The following LRP1B variants were observed in gnomAD, a reference collection of about 807,000 sequenced individuals.
LRP1B encodes low-density lipoprotein receptor-related protein 1B.
Under a neutral mutation model 556.6 loss-of-function variants are expected in LRP1B, and 217 were observed. The observed-to-expected ratio is 0.39, with a 90% CI of 0.35 to 0.44. The LOEUF is 0.44. Ranked by LOEUF, LRP1B falls within the 20% of genes least tolerant of loss-of-function variation. The pLI is 1.00. For synonymous variants in LRP1B, 2,047 were observed against 1,865.8 expected (o/e 1.10, Z -2.50); for missense variants, 5,053 against 5,620.8 (o/e 0.90, Z 3.23).
chr2:141,692,647 A>G (rs1279469084), intron 2 of LRP1B, among the ~76,000 whole-genome samples: 2 of 151,974 alleles, frequency 1.3e-5, no homozygotes, highest in East Asian at 1.9e-4. Flanking sequence ...CAAGAAGGGT[A>G]TATGTTCTGA....
chr2:140,637,330 C>A (rs1217270249), intron 41 of LRP1B, among the ~76,000 whole-genome samples: 1 of 152,138 alleles, frequency 6.6e-6, no homozygotes, highest in Non-Finnish European at 1.5e-5. Flanking sequence ...TCTGCTCATG[C>A]CTTAGTCAAC....
intron 32 of LRP1B, among the ~76,000 whole-genome samples, chr2:140,796,359 G>A (rs1385609660): frequency 2.0e-5 from 3 of 151,998 alleles, no homozygotes; most frequent in Admixed American, 1.3e-4. Context: ...TTTATCCATT[G>A]TGCTAAGTAA....
intron 2 of LRP1B, among the ~76,000 whole-genome samples, chr2:141,621,545 C>G (rs1688504702): frequency 6.6e-6 from 1 of 152,156 alleles, no homozygotes; most frequent in African/African-American, 2.4e-5. Flanking sequence ...TAAGATTAAA[C>G]TAATCATGGA....
intron 2 of LRP1B, among the ~76,000 whole-genome samples, chr2:141,643,265 G>GCATT (rs560567861): frequency 5.5e-4 from 83 of 152,168 alleles, no homozygotes; most frequent in African/African-American, 2.0e-3. Flanking sequence ...CAATAATTAA[G>GCATT]GTAACAGAAG....
chr2:141,100,873 A>G (rs1265893229), intron 7 of LRP1B, among the ~76,000 whole-genome samples: 1 of 152,092 alleles, frequency 6.6e-6, no homozygotes, highest in Non-Finnish European at 1.5e-5. Context: ...TATGCCTGGA[A>G]AAACAACATG....
intron 3 of LRP1B, among the ~76,000 whole-genome samples, chr2:141,365,464 A>G (rs1688982838): frequency 6.9e-6 from 1 of 145,000 alleles, no homozygotes; most frequent in African/African-American, 2.6e-5. Context: ...AATATATTCT[A>G]AAGGCTAGCT....
chr2:141,818,734 C>T (rs1296168019), intron 1 of LRP1B, among the ~76,000 whole-genome samples: 21 of 150,342 alleles, frequency 1.4e-4, no homozygotes, highest in Non-Finnish European at 2.4e-4. Context: ...GACGGGGTTT[C>T]ACCGTGTTAG....
At chr2:141,783,589 T>C (rs1174990700) in intron 2 of LRP1B, among the ~76,000 whole-genome samples, 2 of 151,964 alleles carry the variant, frequency 1.3e-5, no homozygotes, top group African/African-American at 2.4e-5. Context: ...ATTTATTTAG[T>C]GTTATCTCTT....
At chr2:142,009,454 T>C (rs1702889845) in intron 1 of LRP1B, among the ~76,000 whole-genome samples, 1 of 152,190 alleles carries the variant, frequency 6.6e-6, no homozygotes, top group Non-Finnish European at 1.5e-5. Context: ...ACATGCATCC[T>C]GCCCTCCTGA....
intron 2 of LRP1B, among the ~76,000 whole-genome samples, chr2:141,537,215 A>C (rs998809159): frequency 5.3e-5 from 8 of 152,100 alleles, no homozygotes; most frequent in Non-Finnish European, 1.2e-4. Context: ...CTGGAAGTAC[A>C]TATTAGTGAA....
chr2:140,779,573 TA>T (rs1689617570), intron 32 of LRP1B, among the ~76,000 whole-genome samples: 2 of 151,288 alleles, frequency 1.3e-5, no homozygotes, highest in South Asian at 4.2e-4. Flanking sequence ...TGTGCGCCTG[TA>T]ATCCCAGCTA....
intron 35 of LRP1B, among the ~76,000 whole-genome samples, chr2:140,729,031 C>A (rs1261316691): frequency 1.3e-5 from 2 of 151,774 alleles, no homozygotes; most frequent in Non-Finnish European, 2.9e-5. Context: ...ATTTCATACA[C>A]CTTTGAAGTT....
chr2:141,950,281 A>T (rs1197314346), intron 1 of LRP1B, among the ~76,000 whole-genome samples: 2 of 152,140 alleles, frequency 1.3e-5, no homozygotes, highest in African/African-American at 4.8e-5. Flanking sequence ...AAAAAAATCC[A>T]TCTTATTTTT....
intron 7 of LRP1B, among the ~76,000 whole-genome samples, chr2:141,161,846 T>A (rs1359892280): frequency 6.6e-6 from 1 of 152,044 alleles, no homozygotes. Flanking sequence ...ACCCCTACGT[T>A]GTCCCTTGGG....
intron 2 of LRP1B, among the ~76,000 whole-genome samples, chr2:141,688,010 G>GAA (rs112502279): frequency 0.065 from 9,514 of 146,002 alleles, 425 homozygotes; most frequent in Middle Eastern, 0.12. Context: ...TATGATTTTT[G>GAA]AAAAAAAAAA....
At chr2:141,153,412 T>A (rs1367759618) in intron 7 of LRP1B, among the ~76,000 whole-genome samples, 7 of 122,816 alleles carry the variant, frequency 5.7e-5, no homozygotes, top group Admixed American at 1.0e-4. Flanking sequence ...TATTATATAT[T>A]AGCTATATAT....
At chr2:140,490,235 C>T (rs939933737) in intron 57 of LRP1B, among the ~76,000 whole-genome samples, 1 of 152,058 alleles carries the variant, frequency 6.6e-6, no homozygotes, top group Non-Finnish European at 1.5e-5. Context: ...AATAAAGACA[C>T]TGTTCAAATT....
chr2:141,722,739 T>TAGAC (rs1378911605), intron 2 of LRP1B, among the ~76,000 whole-genome samples: 1 of 147,772 alleles, frequency 6.8e-6, no homozygotes, highest in East Asian at 2.0e-4. Context: ...CATAGATAGA[T>TAGAC]AGATAGATAG....
At chr2:140,319,527 A>G (rs1322067615) in intron 82 of LRP1B, among the ~76,000 whole-genome samples, 2 of 152,148 alleles carry the variant, frequency 1.3e-5, no homozygotes, top group African/African-American at 2.4e-5. Context: ...CAGGAACAGA[A>G]AACCAAATAC....
Sources: gnomAD v4.1 joint callset for allele counts (sites outside exome capture counted in the v4.1 genomes callset) on GRCh38, gnomAD v4.1.1 for gene constraint, MANE v1.5 for transcripts, NCBI Gene and HGNC (gene_info 2026-07-23, HGNC 2026-07-21) for gene names.